The following PHF6 variants were observed in gnomAD, a reference collection of about 807,000 sequenced individuals.
The protein encoded by PHF6 is PHD finger protein 6.
In PHF6, 7 loss-of-function variants were observed where a neutral mutation model predicts 34.0. The observed-to-expected ratio is 0.21, with a 90% CI of 0.12 to 0.39. The LOEUF (loss-of-function observed/expected upper bound fraction) is 0.39. Ranked by LOEUF, PHF6 falls within the 10% of genes least tolerant of loss-of-function variation. The pLI, the probability that PHF6 is intolerant of heterozygous loss-of-function variation, is 1.00. For synonymous variants in PHF6, 89 were observed against 88.4 expected (o/e 1.01, Z -0.04); for missense variants, 128 against 262.8 (o/e 0.49, Z 3.55).
chrX:134,378,380 AAC>A (rs1229601043), intron 3 of PHF6, among the ~76,000 whole-genome samples: 1 of 111,929 alleles, frequency 8.9e-6, no homozygotes, highest in Non-Finnish European at 1.9e-5. Context: ...TTAGAAAACA[AAC>A]AGTTTGGTTA....
intron 5 of PHF6, among the ~76,000 whole-genome samples, chrX:134,402,388 AGAC>A (rs1427381653): frequency 8.0e-5 from 9 of 112,146 alleles, no homozygotes; most frequent in Non-Finnish European, 1.1e-4. Flanking sequence ...AGCATTGAAT[AGAC>A]TTATGAAGTA....
intron 2 of PHF6, 105 bp downstream of exon 2, chrX:134,377,860 C>T: frequency 9.8e-7 from 1 of 1,015,984 alleles, no homozygotes; most frequent in Non-Finnish European, 1.4e-6. Flanking sequence ...CCAAAAAAAA[C>T]TCAGTTAAAT....
At chrX:134,396,588 G>C (rs2077378356) in intron 5 of PHF6, among the ~76,000 whole-genome samples, 1 of 111,189 alleles carries the variant, frequency 9.0e-6, no homozygotes, top group African/African-American at 3.3e-5. Flanking sequence ...TACGTCTATA[G>C]AACAATGGGC....
chrX:134,382,346 G>A (rs1406589396), intron 3 of PHF6, among the ~76,000 whole-genome samples: 1 of 111,244 alleles, frequency 9.0e-6, no homozygotes, highest in East Asian at 2.8e-4. Flanking sequence ...TTCTACTGAA[G>A]CCATATGGAG....
chrX:134,389,646 A>G (rs991824767), intron 3 of PHF6, among the ~76,000 whole-genome samples: 1 of 111,113 alleles, frequency 9.0e-6, no homozygotes, highest in Non-Finnish European at 1.9e-5. Flanking sequence ...CTGGTTTCTC[A>G]GCTTCTTTAA....
At chrX:134,417,976 C>G (rs1235878651) in intron 9 of PHF6, 1 of 111,825 alleles carries the variant, frequency 8.9e-6, no homozygotes, top group African/African-American at 3.3e-5. Flanking sequence ...CGTAAGTGTT[C>G]TAAAGAAGTT....
At chrX:134,393,834 T>C in intron 4 of PHF6, 75 bp from the exon 5 acceptor site, 13 of 979,810 alleles carry the variant, frequency 1.3e-5, no homozygotes, top group Non-Finnish European at 1.9e-5. Context: ...TGAAGTGTAC[T>C]GCTCGTTTTC....
At chrX:134,415,155 A>G in intron 8 of PHF6, 35 bp downstream of exon 8, 2 of 1,207,933 alleles carry the variant, frequency 1.7e-6, no homozygotes, top group Non-Finnish European at 2.2e-6. Context: ...GCAACATTAC[A>G]CTTGATTTGC....
At position 134,406,632 on chromosome X, in the gene PHF6, G is replaced by A. The variant is rs763443035; in HGVS notation, c.419-6859G>A. On this transcript the variant is annotated intron_variant, in intron 5 of 10. Transcript: ENST00000370803. ...GGCCATACCAGAGGAGAACAGAAGGGTAATAGAGAGGGGCCTGGCCATTCT... is the reference window on the plus strand; with the variant it reads ...GGCCATACCAGAGGAGAACAGAAGGATAATAGAGAGGGGCCTGGCCATTCT... Among the ~76,000 whole-genome samples the A allele has an allele frequency of 7.2e-5, 8 of 111,427 alleles. No individual in the cohort carries two copies. In the East Asian group the frequency reaches 2.0e-3, roughly 28 times the overall value.
At chrX:134,399,083 A>G in intron 5 of PHF6, among the ~76,000 whole-genome samples, 1 of 111,273 alleles carries the variant, frequency 9.0e-6, no homozygotes, top group Non-Finnish European at 1.9e-5. Flanking sequence ...GAATGGCTAG[A>G]GAGGTAGGAG....
chrX:134,424,055 A>G (rs1208410391), intron 9 of PHF6, among the ~76,000 whole-genome samples: 1 of 109,600 alleles, frequency 9.1e-6, no homozygotes, highest in East Asian at 2.9e-4. Flanking sequence ...GCACATGTAT[A>G]CATATGTAAC....
At chrX:134,417,453 G>T in intron 9 of PHF6, 151 bp downstream of exon 9, 1 of 547,883 alleles carries the variant, frequency 1.8e-6, no homozygotes, top group Non-Finnish European at 2.9e-6. Flanking sequence ...ACTACAATTG[G>T]CATTTTCCTC....
At chrX:134,393,030 C>T (rs1329954303) in intron 3 of PHF6, among the ~76,000 whole-genome samples, 1 of 111,680 alleles carries the variant, frequency 9.0e-6, no homozygotes, top group Non-Finnish European at 1.9e-5. Context: ...AAACTCCTGA[C>T]CTTGTGATCT....
rs2077514751 is a variant in PHF6 at position 134,428,581 on chromosome X, G to T, written c.*2921G>T. The T allele has an allele frequency of 6.5e-6, 1 of 152,759 alleles. No individual in the cohort carries two copies. Among genetic ancestry groups the T allele is most frequent in the African/African-American group, 3.1e-5 (1 of 32,683 alleles). 12.6% of individuals were successfully genotyped at this position (152,759 alleles called of 1,213,427 possible). On this transcript the variant is annotated 3_prime_UTR_variant, in exon 11 of 11. Coordinates refer to ENST00000370803, the MANE Select transcript of PHF6 (RefSeq NM_001015877.2). ...AAAAAAAGCGCTGAAGTTAGACCAAGGTATACAGTTTTGTTCTAACAGACA... is the reference window on the plus strand; with the variant it reads ...AAAAAAAGCGCTGAAGTTAGACCAATGTATACAGTTTTGTTCTAACAGACA...
intron 8 of PHF6, among the ~76,000 whole-genome samples, chrX:134,416,894 T>C (rs2077474328): frequency 8.9e-6 from 1 of 111,876 alleles, no homozygotes; most frequent in African/African-American, 3.2e-5. Context: ...TCATTCTTTT[T>C]GTGTATTTGG....
At chrX:134,414,059 TA>T in intron 7 of PHF6, 93 bp downstream of exon 7, 3 of 991,302 alleles carry the variant, frequency 3.0e-6, no homozygotes, top group South Asian at 2.0e-5. Context: ...ATTTTTTTTT[TA>T]AAAATCATTT....
chrX:134,383,910 G>A (rs897909663), intron 3 of PHF6, among the ~76,000 whole-genome samples: 2 of 111,943 alleles, frequency 1.8e-5, no homozygotes, highest in Non-Finnish European at 3.8e-5. Flanking sequence ...TTCTAATAAA[G>A]ATGGAAATAG....
At chrX:134,425,412 A>C in intron 10 of PHF6, 82 bp downstream of exon 10, 1 of 1,105,787 alleles carries the variant, frequency 9.0e-7, no homozygotes, top group Non-Finnish European at 1.2e-6. Context: ...GGTATGCAGT[A>C]AGATTTTTTT....
chrX:134,389,490 C>T (rs2124214665), intron 3 of PHF6, among the ~76,000 whole-genome samples: 1 of 111,637 alleles, frequency 9.0e-6, no homozygotes, highest in South Asian at 3.7e-4. Context: ...AAGGGAGATA[C>T]TGGAGCCATT....
Sources: gnomAD v4.1 joint callset for allele counts (sites outside exome capture counted in the v4.1 genomes callset) on GRCh38, gnomAD v4.1.1 for gene constraint, MANE v1.5 for transcripts, NCBI Gene and HGNC (gene_info 2026-07-23, HGNC 2026-07-21) for gene names.